PKP1: variants seen among roughly 807,000 people sequenced by gnomAD.
PKP1 encodes the protein plakophilin-1.
Under a neutral mutation model 76.4 loss-of-function variants are expected in PKP1, and 27 were observed. The observed-to-expected ratio is 0.35, with a 90% CI of 0.26 to 0.49. The LOEUF (loss-of-function observed/expected upper bound fraction) is 0.49, where lower values mean the gene tolerates loss of function less well. Ranked by LOEUF, PKP1 falls within the 20% of genes least tolerant of loss-of-function variation. PKP1 has a pLI of 0.99. For synonymous variants in PKP1, 404 were observed against 384.2 expected, an observed-to-expected ratio of 1.05 and a Z score of -0.60; for missense variants, 964 against 955.2, an observed-to-expected ratio of 1.01 and a Z score of -0.12.
At chr1:201,285,874 G>A (rs1048487626) in intron 1 of PKP1, among the ~76,000 whole-genome samples, 2 of 152,334 alleles carry the variant, frequency 1.3e-5, no homozygotes, top group South Asian at 2.1e-4. Flanking sequence ...GGGCTTCACT[G>A]GGGGAGGGTT....
At chr1:201,302,884 A>T (rs1039815854) in intron 2 of PKP1, among the ~76,000 whole-genome samples, 4 of 152,242 alleles carry the variant, frequency 2.6e-5, no homozygotes, top group Non-Finnish European at 5.9e-5. Context: ...GCCTTCCTTC[A>T]GAAGAAGCCT....
Position 201,283,812 on chromosome 1 carries a change from G to T in PKP1, c.110G>T (p.Gly37Val). 1.2e-6 allele frequency: 2 copies of T among 1,614,162 alleles called. No individual in the cohort carries two copies. The highest frequency in any genetic ancestry group is 1.1e-5 in the South Asian group (1 of 91,084). ...CAAAAGATGAAAACAGGCACGTCTG[G>T]CAGGCAGCGCGTGCAGGAGCAGGTG... ...SDQKMKTGTS[G>V]RQRVQEQVMM... The change falls in exon 1 of 14, where the codon GGC becomes GTC. Residue 37 changes from glycine to valine, a missense_variant. Physicochemically the swap from Gly to Val is moderately radical, Grantham distance 109. Coordinates refer to ENST00000367324, the MANE Select transcript of PKP1 (RefSeq NM_001005337.3).
chr1:201,315,544 G>A (rs994768150), intron 3 of PKP1, among the ~76,000 whole-genome samples: 2 of 152,222 alleles, frequency 1.3e-5, no homozygotes, highest in Non-Finnish European at 2.9e-5. Context: ...GGCATCAGCA[G>A]GGCCAGTGGT....
At position 201,318,691 on chromosome 1, in the gene PKP1, C is replaced by A. The variant is rs773808252; in HGVS notation, c.1128C>A (p.Ala376=). Residue 376 remains alanine, a synonymous_variant, in exon 6 of 14, where the codon GCC becomes GCA. Transcript: ENST00000367324. ...ELIADALPVL[A]DRVIIPFSGW... ...TTGCCGACGCCCTGCCTGTTCTGGC[C>A]GACCGCGTCATCATTCCCTTCTCTG... 6.2e-7 allele frequency: 1 copy of A among 1,612,348 alleles called. No homozygotes were observed. Among genetic ancestry groups the A allele is most frequent in the South Asian group, 1.1e-5 (1 of 90,970 alleles).
At position 201,285,220 on chromosome 1, in the gene PKP1, C is replaced by CCACA. The variant is rs140683611; in HGVS notation, c.202+1358_202+1361dup. 5.9e-3 allele frequency among the ~76,000 whole-genome samples: 802 copies of CCACA among 136,802 alleles called. 3 individuals carry two copies. Among genetic ancestry groups the CCACA allele is most frequent in the African/African-American group, 0.018 (660 of 36,460 alleles). 89.7% of individuals were successfully genotyped at this position (136,802 alleles called of 152,430 possible). On this transcript the variant is annotated intron_variant, in intron 1 of 13. Transcript: ENST00000367324. ...AAAGAAACCGACCCTGGCCCTTCCA[C>CCACA]CACACACACACACACACACACACAC...
intron 2 of PKP1, among the ~76,000 whole-genome samples, chr1:201,300,626 C>T (rs1378461917): frequency 5.3e-5 from 8 of 152,330 alleles, no homozygotes; most frequent in Middle Eastern, 6.8e-3. Context: ...GGGCCTCAGG[C>T]TTATCATCAG....
intron 2 of PKP1, among the ~76,000 whole-genome samples, chr1:201,305,173 T>G (rs965966046): frequency 1.3e-5 from 2 of 152,186 alleles, no homozygotes; most frequent in Non-Finnish European, 2.9e-5. Context: ...GTGAGATCTC[T>G]TACCCAAGCA....
intron 1 of PKP1, among the ~76,000 whole-genome samples, chr1:201,288,297 C>T (rs1163555255): frequency 6.6e-6 from 1 of 152,196 alleles, no homozygotes; most frequent in Non-Finnish European, 1.5e-5. Flanking sequence ...AGCTGTTCTG[C>T]CAAAAAGCTC....
intron 3 of PKP1, among the ~76,000 whole-genome samples, chr1:201,313,986 C>A (rs1656648843): frequency 6.6e-6 from 1 of 152,222 alleles, no homozygotes; most frequent in African/African-American, 2.4e-5. Context: ...TTCAGTGATT[C>A]TGATTTACAC....
At chr1:201,292,930 C>G (rs1039050598) in intron 1 of PKP1, among the ~76,000 whole-genome samples, 2 of 152,194 alleles carry the variant, frequency 1.3e-5, no homozygotes, top group Admixed American at 1.3e-4. Flanking sequence ...CTACCAAGAG[C>G]AGGACAGTAT....
Position 201,317,658 on chromosome 1 carries a change from G to A in PKP1, c.933G>A (p.Leu311=). ...QNVQQAAAGA[L]RNLVFRSTTN... ...TCCAGCAGGCCGCGGCAGGGGCCCT[G>A]CGCAACCTGGTGTTCAGGAGCACCA... The change falls in exon 5 of 14, where the codon CTG becomes CTA. Residue 311 remains leucine, a synonymous_variant. Transcript: ENST00000367324. 6.2e-7 allele frequency: 1 copy of A among 1,614,024 alleles called. No homozygotes were observed. Among genetic ancestry groups the A allele is most frequent in the Non-Finnish European group, 8.5e-7 (1 of 1,179,996 alleles).
intron 1 of PKP1, among the ~76,000 whole-genome samples, chr1:201,284,903 G>A (rs973163846): frequency 1.3e-5 from 2 of 152,134 alleles, no homozygotes. Flanking sequence ...GGGGGAACCT[G>A]GGAGAAAGGG....
chr1:201,322,247 GACA>G, intron 8 of PKP1, 114 bp downstream of exon 8: 3 of 1,191,610 alleles, frequency 2.5e-6, no homozygotes, highest in Non-Finnish European at 3.6e-6. Context: ...AGCCCTAAGG[GACA>G]GGCCCATGCT....
At chr1:201,308,959 G>A (rs116379087) in intron 2 of PKP1, among the ~76,000 whole-genome samples, 4,214 of 152,182 alleles carry the variant, frequency 0.028, 81 homozygotes, top group Admixed American at 0.043. Context: ...TGTAAAAGAG[G>A]GGAGTCAGTA....
Position 201,317,851 on chromosome 1 carries a change from G to A in PKP1, c.1054+72G>A, listed in dbSNP as rs943325935. The A allele has an allele frequency of 2.1e-5, 29 of 1,393,528 alleles. No individual in the cohort carries two copies. The African/African-American group carries it at 3.6e-4, about 17-fold the overall frequency. 86.3% of individuals were successfully genotyped at this position (1,393,528 alleles called of 1,614,324 possible). A position where few individuals can be genotyped will look rare whatever the true frequency, so the allele number is the denominator to read the frequency against. On this transcript the variant is annotated intron_variant, in intron 5 of 13. Coordinates refer to ENST00000367324, the MANE Select transcript of PKP1 (RefSeq NM_001005337.3). ...CCACTGGCTATGGCCCCAGGCTGGGGTGCAAGCCTGTCTCTCCAGGCTGGG... is the reference window on the plus strand; with the variant it reads ...CCACTGGCTATGGCCCCAGGCTGGGATGCAAGCCTGTCTCTCCAGGCTGGG...
chr1:201,294,125 C>T lies in PKP1; in HGVS notation c.306+80C>T, dbSNP rs556395307. On this transcript the variant is annotated intron_variant, in intron 2 of 13. Transcript: ENST00000367324. ...GGTTTATAGTGGAGAAAACCGGCACCAGTTGCTAAAAAGAGTGATGTAGGC... is the reference window on the plus strand; with the variant it reads ...GGTTTATAGTGGAGAAAACCGGCACTAGTTGCTAAAAAGAGTGATGTAGGC... 148 of 937,482 alleles carry T rather than the reference C, an allele frequency of 1.6e-4. 1 individual carries two copies. Among genetic ancestry groups the T allele is most frequent in the Middle Eastern group, 1.5e-3 (7 of 4,628 alleles). 58.1% of individuals were successfully genotyped at this position (937,482 alleles called of 1,614,324 possible). A position where few individuals can be genotyped will look rare whatever the true frequency, so the allele number is the denominator to read the frequency against.
intron 8 of PKP1, among the ~76,000 whole-genome samples, chr1:201,322,486 A>C (rs1200815412): frequency 6.6e-6 from 1 of 151,496 alleles, no homozygotes; most frequent in African/African-American, 2.4e-5. Flanking sequence ...CAGAACTCTC[A>C]CTCTTTCTGG....
At chr1:201,302,291 T>A (rs1270176611) in intron 2 of PKP1, among the ~76,000 whole-genome samples, 2 of 152,006 alleles carry the variant, frequency 1.3e-5, no homozygotes, top group Non-Finnish European at 2.9e-5. Context: ...ACCTCACAGA[T>A]AGATCTGGCA....
chr1:201,299,760 C>A (rs74899012), intron 2 of PKP1, among the ~76,000 whole-genome samples: 86 of 152,356 alleles, frequency 5.6e-4, no homozygotes, highest in African/African-American at 2.0e-3. Flanking sequence ...TTTACTTTAG[C>A]TTCACAGACA....
Sources: allele counts gnomAD v4.1 joint callset (sites outside exome capture counted in the v4.1 genomes callset), GRCh38; gene constraint gnomAD v4.1.1; transcripts MANE v1.5; gene names NCBI Gene and HGNC (gene_info 2026-07-23, HGNC 2026-07-21).